Variants in JARID2 observed in about 807,000 individuals in gnomAD.
JARID2 encodes the protein jumonji and AT-rich interaction domain containing 2.
A neutral mutation model predicts 125.6 loss-of-function variants in JARID2; 21 were observed. The ratio of observed to expected loss-of-function variants is 0.17; its 90% confidence interval spans 0.12 to 0.24. The LOEUF is 0.24. Ranked by LOEUF, JARID2 falls within the 10% of genes least tolerant of loss-of-function variation. The pLI is 1.00. For missense variants in JARID2, 1,303 were observed against 1,639.6 expected (o/e 0.79, Z 3.55); for synonymous variants, 736 against 661.6 (o/e 1.11, Z -1.73).
chr6:15,283,659 A>G (rs1474144108), intron 1 of JARID2, among the ~76,000 whole-genome samples: 1 of 144,282 alleles, frequency 6.9e-6, no homozygotes, highest in African/African-American at 2.6e-5. Context: ...TATTTATTAA[A>G]TATGTTGCAA....
At chr6:15,315,625 T>C (rs570896268) in intron 1 of JARID2, among the ~76,000 whole-genome samples, 1 of 152,184 alleles carries the variant, frequency 6.6e-6, no homozygotes, top group South Asian at 2.1e-4. Context: ...AAGTGAGATA[T>C]CTTCATCTGC....
At chr6:15,487,239 C>A in intron 5 of JARID2, 68 bp from the exon 6 acceptor site, 3 of 1,337,066 alleles carry the variant, frequency 2.2e-6, no homozygotes, top group Non-Finnish European at 3.2e-6. Flanking sequence ...AGAGCCAAAC[C>A]ATATCAGTAG....
At chr6:15,467,457 A>G (rs527666571) in intron 4 of JARID2, among the ~76,000 whole-genome samples, 1 of 151,686 alleles carries the variant, frequency 6.6e-6, no homozygotes, top group East Asian at 1.9e-4. Flanking sequence ...TCTGGTTCCA[A>G]ACAACGTACA....
At position 15,410,291 on chromosome 6, in the gene JARID2, C is replaced by A; in HGVS notation, c.249C>A (p.Asp83Glu). The part of the protein sequence containing the change: ...PASEQSENEK[D>E]DASQVSSTSN... Reference sequence around the variant, plus strand: ...CAGAACAGTCAGAGAATGAAAAGGACGATGCATCCCAAGTGTCCTCCACTA... The same window carrying A: ...CAGAACAGTCAGAGAATGAAAAGGAAGATGCATCCCAAGTGTCCTCCACTA... Residue 83 changes from aspartate to glutamate, a missense_variant, in exon 3 of 18, where the codon GAC becomes GAA. Asp to Glu is a conservative substitution (Grantham distance 45). Around this residue, in one of 11 missense-constraint regions of JARID2, gnomAD observed 93 missense variants for 120.4 expected, o/e 0.77. Coordinates refer to ENST00000341776, the MANE Select transcript of JARID2 (RefSeq NM_004973.4). 6.2e-7 allele frequency: 1 copy of A among 1,613,920 alleles called. No homozygotes were observed. Among genetic ancestry groups the A allele is most frequent in the Non-Finnish European group, 8.5e-7 (1 of 1,179,852 alleles).
intron 1 of JARID2, among the ~76,000 whole-genome samples, chr6:15,296,033 C>T (rs548419018): frequency 2.0e-5 from 3 of 152,160 alleles, no homozygotes; most frequent in Non-Finnish European, 2.9e-5. Flanking sequence ...CCAGCCATTT[C>T]GTAAGGCTAG....
chr6:15,320,468 G>A (rs543181650), intron 1 of JARID2, among the ~76,000 whole-genome samples: 214 of 152,330 alleles, frequency 1.4e-3, no homozygotes, highest in African/African-American at 5.1e-3. Flanking sequence ...AGCTTTGGGG[G>A]ATTTAAGTGG....
At chr6:15,384,991 A>G (rs1764731205) in intron 2 of JARID2, among the ~76,000 whole-genome samples, 1 of 152,190 alleles carries the variant, frequency 6.6e-6, no homozygotes, top group Non-Finnish European at 1.5e-5. Flanking sequence ...GTGCTCGCTC[A>G]GCTTCTGCCT....
At chr6:15,349,880 G>A (rs545876226) in intron 1 of JARID2, among the ~76,000 whole-genome samples, 13 of 152,198 alleles carry the variant, frequency 8.5e-5, no homozygotes, top group Non-Finnish European at 1.8e-4. Context: ...GACGGACACC[G>A]TTGAAATGTA....
intron 4 of JARID2, among the ~76,000 whole-genome samples, chr6:15,457,264 C>T (rs780578262): frequency 7.2e-5 from 11 of 152,154 alleles, no homozygotes; most frequent in East Asian, 1.9e-4. Context: ...CTGCTAATGA[C>T]GCATATCCTT....
At chr6:15,447,967 G>C (rs1767747664) in intron 3 of JARID2, among the ~76,000 whole-genome samples, 1 of 152,206 alleles carries the variant, frequency 6.6e-6, no homozygotes, top group Non-Finnish European at 1.5e-5. Context: ...TGTCTGTACT[G>C]TTTAGAGGGC....
chr6:15,455,621 T>A (rs1342628914), intron 4 of JARID2, among the ~76,000 whole-genome samples: 1 of 152,208 alleles, frequency 6.6e-6, no homozygotes, highest in African/African-American at 2.4e-5. Context: ...AACCTCTGCA[T>A]CCTGAGTTCA....
At position 15,254,781 on chromosome 6, in the gene JARID2, C is replaced by G. The variant is rs559613503; in HGVS notation, c.45+8197C>G. 1.1e-4 allele frequency among the ~76,000 whole-genome samples: 17 copies of G among 152,080 alleles called. 1 individual carries two copies. In the South Asian group the frequency reaches 2.9e-3, roughly 26 times the overall value. ...AGGGCCGGGCGCGGTGGCTCATGCC[C>G]GTAATCCCAGCACTTTCGAAGGCCG... On this transcript the variant is annotated intron_variant, in intron 1 of 17. Transcript: ENST00000341776.
intron 3 of JARID2, among the ~76,000 whole-genome samples, chr6:15,431,841 C>T (rs1766979176): frequency 1.3e-5 from 2 of 152,070 alleles, no homozygotes; most frequent in South Asian, 4.1e-4. Flanking sequence ...TTTGTGGTTT[C>T]TGTTGAAATC....
intron 7 of JARID2, among the ~76,000 whole-genome samples, chr6:15,498,528 C>T (rs971932531): frequency 6.6e-6 from 1 of 152,106 alleles, no homozygotes; most frequent in Non-Finnish European, 1.5e-5. Flanking sequence ...AGGTTGCAAC[C>T]CCATCAGTCT....
At chr6:15,408,507 A>G (rs1765741904) in intron 2 of JARID2, among the ~76,000 whole-genome samples, 1 of 152,186 alleles carries the variant, frequency 6.6e-6, no homozygotes, top group South Asian at 2.1e-4. Context: ...GCATAGTGAC[A>G]CTACTAATGT....
At chr6:15,368,729 A>C (rs754862931) in intron 1 of JARID2, 12 of 494,756 alleles carry the variant, frequency 2.4e-5, no homozygotes, top group Non-Finnish European at 4.5e-5. Flanking sequence ...AAGATTTCTC[A>C]GGGTATATTT....
rs376897226 is a variant in JARID2, at chr6:15,496,890, C to G, written c.1665C>G (p.Asp555Glu). The G allele has an allele frequency of 6.2e-7, 1 of 1,600,938 alleles. No homozygotes were observed. Among genetic ancestry groups the G allele is most frequent in the Non-Finnish European group, 8.5e-7 (1 of 1,171,522 alleles). ...GGGKAGWAAM[D>E]EIPVLRPSAK... ...GCAAGGCCGGGTGGGCGGCCATGGACGAGATCCCCGTCCTCAGGCCCTCCG... is the reference window on the plus strand; with the variant it reads ...GCAAGGCCGGGTGGGCGGCCATGGAGGAGATCCCCGTCCTCAGGCCCTCCG... Residue 555 changes from aspartate (D) to glutamate (E), a missense_variant, in exon 7 of 18, where the codon GAC becomes GAG. Coordinates refer to ENST00000341776, the MANE Select transcript of JARID2 (RefSeq NM_004973.4).
At chr6:15,435,675 TC>T (rs1767169607) in intron 3 of JARID2, among the ~76,000 whole-genome samples, 1 of 152,236 alleles carries the variant, frequency 6.6e-6, no homozygotes, top group African/African-American at 2.4e-5. Flanking sequence ...CCTGCTGTAT[TC>T]CTGGAAATGA....
intron 2 of JARID2, among the ~76,000 whole-genome samples, chr6:15,381,351 A>G (rs868071973): frequency 6.6e-6 from 1 of 151,518 alleles, no homozygotes; most frequent in Middle Eastern, 3.2e-3. Flanking sequence ...CAAAAAAAAA[A>G]AAAAAAAAAA....
Sources: allele counts gnomAD v4.1 joint callset (sites outside exome capture counted in the v4.1 genomes callset), GRCh38; gene constraint gnomAD v4.1.1; regional missense constraint gnomAD v4.1.1; transcripts MANE v1.5; gene names NCBI Gene and HGNC (gene_info 2026-07-23, HGNC 2026-07-21).